The following DPYD variants were observed in gnomAD, a reference collection of about 807,000 sequenced individuals.
DPYD encodes the protein dihydropyrimidine dehydrogenase.
A neutral mutation model predicts 116.2 loss-of-function variants in DPYD; 109 were observed. The ratio of observed to expected loss-of-function variants is 0.94; its 90% CI spans 0.80 to 1.10. The LOEUF (loss-of-function observed/expected upper bound fraction) is 1.10. Ranked by LOEUF, DPYD falls within the 50% of genes least tolerant of loss-of-function variation. DPYD has a pLI of 0.00. For synonymous variants in DPYD, 440 were observed against 432.0 expected (o/e 1.02, Z -0.23); for missense variants, 1,302 against 1,254.5 (o/e 1.04, Z -0.57).
intron 20 of DPYD, among the ~76,000 whole-genome samples, chr1:97,134,999 T>G (rs1187936261): frequency 6.6e-6 from 1 of 152,044 alleles, no homozygotes; most frequent in Non-Finnish European, 1.5e-5. Context: ...ATTTTTTTTA[T>G]TTAAAAAGTG....
chr1:97,203,998 G>C (rs1315213009), intron 19 of DPYD, among the ~76,000 whole-genome samples: 1 of 151,948 alleles, frequency 6.6e-6, no homozygotes, highest in African/African-American at 2.4e-5. Context: ...CAACAATTTT[G>C]ACTGAGTTGC....
intron 8 of DPYD, among the ~76,000 whole-genome samples, chr1:97,603,270 A>C (rs1156638039): frequency 2.0e-5 from 3 of 151,934 alleles, no homozygotes; most frequent in African/African-American, 7.2e-5. Flanking sequence ...AATCATTAAT[A>C]ATAAAATACT....
chr1:97,650,302 A>G (rs1658509185), intron 8 of DPYD, among the ~76,000 whole-genome samples: 1 of 152,100 alleles, frequency 6.6e-6, no homozygotes, highest in Non-Finnish European at 1.5e-5. Context: ...CAGGTTCTCC[A>G]TTACTCCAGT....
intron 19 of DPYD, among the ~76,000 whole-genome samples, chr1:97,225,598 C>A (rs1407076907): frequency 6.9e-6 from 1 of 145,946 alleles, no homozygotes; most frequent in Non-Finnish European, 1.5e-5. Context: ...GTGAGAGCTC[C>A]TTATATATTT....
At chr1:97,763,699 T>A in intron 3 of DPYD, among the ~76,000 whole-genome samples, 1 of 152,074 alleles carries the variant, frequency 6.6e-6, no homozygotes, top group Admixed American at 6.6e-5. Context: ...ATGCACCATA[T>A]AAAAAGGTAA....
chr1:97,722,902 C>T (rs959944265), intron 4 of DPYD, among the ~76,000 whole-genome samples: 1 of 151,218 alleles, frequency 6.6e-6, no homozygotes, highest in Non-Finnish European at 1.5e-5. Context: ...AGAGACAGGA[C>T]CAAACGCCTG....
At chr1:97,691,491 T>G in intron 7 of DPYD, 1 of 471,436 alleles carries the variant, frequency 2.1e-6, no homozygotes, top group Non-Finnish European at 3.9e-6. Flanking sequence ...ATTAATCACA[T>G]GCAGGCATGC....
chr1:97,886,411 T>C (rs1446795458), intron 1 of DPYD, among the ~76,000 whole-genome samples: 3 of 152,014 alleles, frequency 2.0e-5, no homozygotes, highest in East Asian at 1.9e-4. Context: ...CCCCCACTCA[T>C]AGAGCCAAGG....
chr1:97,682,081 C>T (rs1660454807), intron 7 of DPYD, among the ~76,000 whole-genome samples: 1 of 151,974 alleles, frequency 6.6e-6, no homozygotes, highest in Non-Finnish European at 1.5e-5. Context: ...CCAATTCTTC[C>T]ACCACAGCAG....
chr1:97,828,288 A>T (rs1312236831), intron 2 of DPYD, 92 bp from the exon 3 acceptor site: 3 of 1,165,724 alleles, frequency 2.6e-6, no homozygotes, highest in Non-Finnish European at 3.7e-6. Context: ...GATTATATTG[A>T]TCATGGACTC....
intron 8 of DPYD, among the ~76,000 whole-genome samples, chr1:97,673,855 A>T (rs994081162): frequency 6.6e-6 from 1 of 152,280 alleles, no homozygotes; most frequent in South Asian, 2.1e-4. Flanking sequence ...AAATATGAAA[A>T]CAAAGATAGC....
intron 20 of DPYD, among the ~76,000 whole-genome samples, chr1:97,133,896 G>A (rs1653520251): frequency 6.7e-6 from 1 of 150,180 alleles, no homozygotes; most frequent in Non-Finnish European, 1.5e-5. Context: ...CTACTCAGGA[G>A]GCTGAGGTGG....
chr1:97,167,871 C>T (rs1022324403), intron 20 of DPYD, among the ~76,000 whole-genome samples: 4 of 152,074 alleles, frequency 2.6e-5, no homozygotes, highest in Non-Finnish European at 5.9e-5. Flanking sequence ...GTAGTTATTT[C>T]TAAAATTCAC....
At chr1:97,297,780 G>A (rs1666619758) in intron 18 of DPYD, among the ~76,000 whole-genome samples, 1 of 152,144 alleles carries the variant, frequency 6.6e-6, no homozygotes, top group African/African-American at 2.4e-5. Flanking sequence ...TTCTCAATAT[G>A]CTAGTGTCTA....
chr1:97,173,263 T>C lies in DPYD; in HGVS notation c.2622+19806A>G, dbSNP rs1460575401. Among the ~76,000 whole-genome samples the C allele has an allele frequency of 5.4e-5, 8 of 148,090 alleles. 1 individual carries two copies. In the South Asian group the frequency reaches 8.4e-4, roughly 15 times the overall value. On this transcript the variant is annotated intron_variant, in intron 20 of 22. Coordinates refer to ENST00000370192, the MANE Select transcript of DPYD (RefSeq NM_000110.4). ...ACATATATGTACATATATGCACACA[T>C]ATGTACATATATATGCACACATATA...
intron 16 of DPYD, among the ~76,000 whole-genome samples, chr1:97,342,314 C>T (rs1341756879): frequency 1.3e-5 from 2 of 152,012 alleles, no homozygotes; most frequent in East Asian, 1.9e-4. Flanking sequence ...CGAAGAACAA[C>T]TAATTTAATT....
chr1:97,716,021 T>A (rs576270285), intron 5 of DPYD, among the ~76,000 whole-genome samples: 1 of 152,232 alleles, frequency 6.6e-6, no homozygotes, highest in African/African-American at 2.4e-5. Flanking sequence ...CTAATTTGAG[T>A]GAACAAGTTC....
At chr1:97,900,127 G>C (rs1673287490) in intron 1 of DPYD, among the ~76,000 whole-genome samples, 1 of 151,880 alleles carries the variant, frequency 6.6e-6, no homozygotes, top group Admixed American at 6.6e-5. Context: ...ATTAAAGGGA[G>C]AGGTATACCT....
At chr1:97,411,231 G>A (rs951050741) in intron 14 of DPYD, among the ~76,000 whole-genome samples, 1 of 152,012 alleles carries the variant, frequency 6.6e-6, no homozygotes, top group Non-Finnish European at 1.5e-5. Flanking sequence ...CTTCAGTACT[G>A]CATCTTCAAT....
Sources: gnomAD v4.1 joint callset for allele counts (sites outside exome capture counted in the v4.1 genomes callset) on GRCh38, gnomAD v4.1.1 for gene constraint, MANE v1.5 for transcripts, NCBI Gene and HGNC (gene_info 2026-07-23, HGNC 2026-07-21) for gene names.